Variants in RIMS4 observed in about 807,000 individuals in gnomAD.
RIMS4 encodes the protein regulating synaptic membrane exocytosis protein 4.
A neutral mutation model predicts 29.0 loss-of-function variants in RIMS4; 9 were observed. That is an observed-to-expected ratio of 0.31 (90% CI 0.19 to 0.54). The LOEUF (loss-of-function observed/expected upper bound fraction) is 0.54, where lower values mean the gene tolerates loss of function less well. Among genes scored for constraint, RIMS4 ranks in the 20% least tolerant of loss-of-function variants. The pLI is 0.94. For missense variants in RIMS4, 193 were observed against 365.7 expected (o/e 0.53, Z 3.85); for synonymous variants, 130 against 152.9 (o/e 0.85, Z 1.10).
chr20:44,764,443 A>G (rs532190425), intron 2 of RIMS4, among the ~76,000 whole-genome samples: 2 of 152,370 alleles, frequency 1.3e-5, no homozygotes, highest in East Asian at 3.9e-4. Flanking sequence ...ATGGTTTTAA[A>G]TATGTTAAAT....
chr20:44,775,496 A>C (rs1029076320), intron 1 of RIMS4, among the ~76,000 whole-genome samples: 2 of 152,190 alleles, frequency 1.3e-5, no homozygotes, highest in Non-Finnish European at 2.9e-5. Flanking sequence ...CCTTCATCAA[A>C]GACTAAATGA....
chr20:44,800,059 A>G (rs6031803), intron 1 of RIMS4, among the ~76,000 whole-genome samples: 9,540 of 152,264 alleles, frequency 0.063, 969 homozygotes, highest in African/African-American at 0.21. Context: ...CACACAGCCA[A>G]TAAGCGGCAG....
At chr20:44,770,438 A>T (rs376983898) in intron 2 of RIMS4, among the ~76,000 whole-genome samples, 2 of 152,290 alleles carry the variant, frequency 1.3e-5, no homozygotes, top group East Asian at 3.9e-4. Context: ...GTGTGGGAGA[A>T]TGAGGGTGTA....
At chr20:44,791,817 AG>A (rs969060980) in intron 1 of RIMS4, among the ~76,000 whole-genome samples, 22 of 152,328 alleles carry the variant, frequency 1.4e-4, no homozygotes, top group African/African-American at 1.7e-4. Context: ...GAGGCCCCAG[AG>A]GCCTGACGAT....
chr20:44,800,246 TGAAA>T (rs1601045476), intron 1 of RIMS4, among the ~76,000 whole-genome samples: 1 of 152,146 alleles, frequency 6.6e-6, no homozygotes, highest in African/African-American at 2.4e-5. Context: ...ACTGGTAGCC[TGAAA>T]GAGTGTGATG....
intron 1 of RIMS4, among the ~76,000 whole-genome samples, chr20:44,794,820 G>C (rs192732740): frequency 6.6e-6 from 1 of 152,294 alleles, no homozygotes; most frequent in East Asian, 1.9e-4. Flanking sequence ...GGGATAGATG[G>C]TCAGATCTGT....
chr20:44,786,344 C>T (rs1332267990), intron 1 of RIMS4, among the ~76,000 whole-genome samples: 2 of 152,174 alleles, frequency 1.3e-5, no homozygotes, highest in Admixed American at 6.5e-5. Flanking sequence ...AGGTTCCTCA[C>T]CTCCCGTGTG....
Position 44,756,264 on chromosome 20 carries a change from G to T in RIMS4, c.680C>A (p.Thr227Asn). The T allele has an allele frequency of 6.2e-7, 1 of 1,614,018 alleles. No homozygotes were observed. The highest frequency in any genetic ancestry group is 8.5e-7 in the Non-Finnish European group (1 of 1,179,990). Residue 227 changes from threonine to asparagine, a missense_variant, in exon 6 of 6, where the codon ACC (threonine) becomes AAC (asparagine). Thr to Asn is a moderately conservative substitution (Grantham distance 65). Coordinates refer to ENST00000372851, the MANE Select transcript of RIMS4 (RefSeq NM_182970.4). This position sits in a 1 kb window ranked among gnomAD's most constrained non-coding sequence, Gnocchi z 5.9. ...RVLLEELDLT[T>N]LAVGWYKLFP... Reference sequence around the variant, plus strand: ...GAGCTTGTACCAGCCCACGGCCAGGGTGGTCAAGTCCAGCTCCTCCAGCAG... The same window carrying T: ...GAGCTTGTACCAGCCCACGGCCAGGTTGGTCAAGTCCAGCTCCTCCAGCAG...
intron 4 of RIMS4, among the ~76,000 whole-genome samples, 173 bp downstream of exon 4, chr20:44,757,497 T>C (rs1051586739): frequency 2.6e-5 from 4 of 152,116 alleles, no homozygotes; most frequent in African/African-American, 9.7e-5. Flanking sequence ...ACAGACAATC[T>C]CAACTGGCTC....
At chr20:44,790,367 C>T (rs1367765484) in intron 1 of RIMS4, among the ~76,000 whole-genome samples, 4 of 152,192 alleles carry the variant, frequency 2.6e-5, no homozygotes, top group Non-Finnish European at 4.4e-5. Flanking sequence ...CCAAGCATGA[C>T]ACCTGTGGTC....
chr20:44,782,103 A>G (rs2066186952), intron 1 of RIMS4, among the ~76,000 whole-genome samples: 1 of 152,206 alleles, frequency 6.6e-6, no homozygotes, highest in African/African-American at 2.4e-5. Context: ...TTACTGAACT[A>G]ATCTGAGTCT....
chr20:44,780,875 G>A (rs1162805124), intron 1 of RIMS4, among the ~76,000 whole-genome samples: 1 of 152,146 alleles, frequency 6.6e-6, no homozygotes, highest in Non-Finnish European at 1.5e-5. Flanking sequence ...AGGGGCAAAA[G>A]GCACATGATA....
chr20:44,798,708 A>T (rs2066265328), intron 1 of RIMS4, among the ~76,000 whole-genome samples: 1 of 152,178 alleles, frequency 6.6e-6, no homozygotes, highest in South Asian at 2.1e-4. Context: ...CTGCTATAGG[A>T]GTACCGAAGC....
intron 1 of RIMS4, among the ~76,000 whole-genome samples, chr20:44,797,535 A>G (rs1216138233): frequency 6.6e-6 from 1 of 152,170 alleles, no homozygotes; most frequent in Non-Finnish European, 1.5e-5. Context: ...GGTTTCATCC[A>G]TCACCTTTGT....
Position 44,760,022 on chromosome 20 carries a change from G to GA in RIMS4, c.237-1839dup, listed in dbSNP as rs1477903025. Among the ~76,000 whole-genome samples the GA allele has an allele frequency of 2.0e-5, 3 of 152,372 alleles. No individual in the cohort carries two copies. In the East Asian group the frequency reaches 5.8e-4, roughly 29 times the overall value. On this transcript the variant is annotated intron_variant, in intron 2 of 5. Transcript: ENST00000372851. ...AAGGAATGACCCAGCAGGAGGTAGA[G>GA]AGCAAGAGACTTGGGCTCTTGACTT...
chr20:44,757,341 A>T (rs1416306413), intron 4 of RIMS4, among the ~76,000 whole-genome samples: 1 of 151,028 alleles, frequency 6.6e-6, no homozygotes, highest in African/African-American at 2.4e-5. Context: ...TGGCTTATGC[A>T]TCTATCTGCT....
rs780403005 is a variant in RIMS4, at chr20:44,756,179, C to T, written c.765G>A (p.Gln255=). 5.0e-6 allele frequency: 8 copies of T among 1,613,606 alleles called. No individual in the cohort carries two copies. The highest frequency in any genetic ancestry group is 1.7e-5 in the Admixed American group (1 of 60,002). ...GCCCCACGGTGCTCTCGAGGGACAA[C>T]TGGGATGCCTGCCGGAGCAGGGGGC... ...ATGPLLRQAS[Q]LSLESTVGPC... The change falls in exon 6 of 6, where the codon CAG becomes CAA. Residue 255 remains glutamine (Q), a synonymous_variant. Coordinates refer to ENST00000372851, the MANE Select transcript of RIMS4 (RefSeq NM_182970.4). This position sits in a 1 kb window ranked among gnomAD's most constrained non-coding sequence, Gnocchi z 5.9.
At chr20:44,767,629 T>C (rs1568896736) in intron 2 of RIMS4, among the ~76,000 whole-genome samples, 1 of 152,216 alleles carries the variant, frequency 6.6e-6, no homozygotes, top group South Asian at 2.1e-4. Flanking sequence ...AGATACCCAA[T>C]GCCCGGATTT....
At chr20:44,775,214 C>G (rs544598844) in intron 1 of RIMS4, among the ~76,000 whole-genome samples, 1 of 152,146 alleles carries the variant, frequency 6.6e-6, no homozygotes, top group East Asian at 1.9e-4. Context: ...CTCTGCTTGT[C>G]GTCCATCAGG....
Sources: allele counts gnomAD v4.1 joint callset (sites outside exome capture counted in the v4.1 genomes callset), GRCh38; gene constraint gnomAD v4.1.1; non-coding constraint Gnocchi (gnomAD v3.1); transcripts MANE v1.5; gene names NCBI Gene and HGNC (gene_info 2026-07-23, HGNC 2026-07-21).